Variants in CLSPN observed in about 807,000 individuals in gnomAD.
CLSPN encodes claspin.
Under a neutral mutation model 156.3 loss-of-function variants are expected in CLSPN, and 85 were observed. The ratio of observed to expected loss-of-function variants is 0.54; its 90% CI spans 0.46 to 0.65. CLSPN has a LOEUF of 0.65. CLSPN is among the 30% of genes least tolerant of loss of function. CLSPN has a pLI of 0.00. For synonymous variants in CLSPN, 534 were observed against 542.4 expected, an observed-to-expected ratio of 0.98 and a Z score of 0.22; for missense variants, 1,407 against 1,554.9, an observed-to-expected ratio of 0.90 and a Z score of 1.60.
intron 8 of CLSPN, among the ~76,000 whole-genome samples, chr1:35,759,772 C>T (rs1437571657): frequency 6.6e-6 from 1 of 151,734 alleles, no homozygotes; most frequent in African/African-American, 2.4e-5. Flanking sequence ...ATAATAAATT[C>T]CTAAATACCA....
Position 35,753,908 on chromosome 1 carries a change from C to T in CLSPN, c.1608G>A (p.Trp536Ter). Residue 536 changes from tryptophan (W) to a stop codon, truncating the protein, a stop_gained, in exon 9 of 25, where the codon TGG becomes TGA. Coordinates refer to ENST00000318121, the MANE Select transcript of CLSPN (RefSeq NM_022111.4). LOFTEE classifies it high-confidence loss of function. ...RELEALKQRF[W>*]KHANPAAKPR... is the part of the protein sequence containing the mutation. ...GTTTGGCTGCTGGATTAGCATGCTT[C>T]CAGAAACGCTGCTTCAAGGCTTCCA... is the stretch of plus-strand genomic sequence containing the variant. 1 of 1,614,206 alleles carries T rather than the reference C, an allele frequency of 6.2e-7. No homozygotes were observed. The highest frequency in any genetic ancestry group is 8.5e-7 in the Non-Finnish European group (1 of 1,180,032).
In CLSPN at chr1:35,761,233, T is replaced by C. The variant is rs768066296; in HGVS notation, c.896-29A>G. Reference sequence around the variant, plus strand: ...TAAAATGGAATAAAACAAGCAAATATATATACTGTATATTCTGAAATGTCA... The same window carrying C: ...TAAAATGGAATAAAACAAGCAAATACATATACTGTATATTCTGAAATGTCA... On this transcript the variant is annotated intron_variant, in intron 6 of 24. Transcript: ENST00000318121. 1.0e-5 allele frequency: 13 copies of C among 1,263,960 alleles called. No homozygotes were observed. The East Asian group carries it at 3.0e-4, about 29-fold the overall frequency. 78.3% of individuals were successfully genotyped at this position (1,263,960 alleles called of 1,614,324 possible). A position where few individuals can be genotyped will look rare whatever the true frequency, so the allele number is the denominator to read the frequency against.
At chr1:35,737,292 T>C (rs1447039417) in intron 23 of CLSPN, 47 bp downstream of exon 23, 1 of 1,529,602 alleles carries the variant, frequency 6.5e-7, no homozygotes, top group African/African-American at 1.4e-5. Context: ...CCTGGGCCTT[T>C]ATAACCTGTA....
intron 1 of CLSPN, among the ~76,000 whole-genome samples, chr1:35,768,660 C>T (rs1454914163): frequency 2.0e-5 from 3 of 151,836 alleles, no homozygotes; most frequent in Non-Finnish European, 4.4e-5. Context: ...AAGCAATCTG[C>T]CGGCCTTAGC....
At chr1:35,740,299 G>A (rs991342509) in intron 18 of CLSPN, among the ~76,000 whole-genome samples, 2 of 152,094 alleles carry the variant, frequency 1.3e-5, no homozygotes, top group African/African-American at 4.8e-5. Flanking sequence ...CAGCTCCCCC[G>A]GAGAATAAAT....
In CLSPN at chr1:35,748,053, C is replaced by T. The variant is rs779434067; in HGVS notation, c.2481G>A (p.Gly827=). The T allele has an allele frequency of 4.4e-6, 7 of 1,604,632 alleles. No individual in the cohort carries two copies. The South Asian group carries it at 6.8e-5, about 15-fold the overall frequency. ...SLVSSASKSS[G]KLSEPSLPIE... ...TGGGAAGTGAAGGCTCAGACAGTTTCCCTGAACTCTGGCACACAAACAAAA... is the reference window on the plus strand; with the variant it reads ...TGGGAAGTGAAGGCTCAGACAGTTTTCCTGAACTCTGGCACACAAACAAAA... The change falls in exon 14 of 25, where the codon GGG becomes GGA. Residue 827 remains glycine, a synonymous_variant. Coordinates refer to ENST00000318121, the MANE Select transcript of CLSPN (RefSeq NM_022111.4).
chr1:35,748,770 C>T lies in CLSPN; in HGVS notation c.2273-166G>A, dbSNP rs1337140453. On this transcript the variant is annotated intron_variant, in intron 12 of 24. Coordinates refer to ENST00000318121, the MANE Select transcript of CLSPN (RefSeq NM_022111.4). ...AAGGTAAATTACAGTACTAAGATAG[C>T]ATTATATAATCAGGGCTTATTACTC... is the stretch of plus-strand genomic sequence containing the variant. 52 of 594,938 alleles carry T rather than the reference C, an allele frequency of 8.7e-5. 1 individual carries two copies. Among genetic ancestry groups the T allele is most frequent in the Non-Finnish European group, 3.1e-6 (1 of 327,526 alleles). The allele number at this position is 594,938 out of a possible 1,614,324, so 36.9% of individuals were successfully genotyped here.
Position 35,735,736 on chromosome 1 carries a change from G to A in CLSPN, c.*760C>T, listed in dbSNP as rs1206638897. The A allele has an allele frequency of 1.0e-5, 10 of 983,250 alleles. No homozygotes were observed. The highest frequency in any genetic ancestry group is 5.3e-5 in the African/African-American group (3 of 56,886). The allele number at this position is 983,250 out of a possible 1,614,324, so 60.9% of individuals were successfully genotyped here. A position where few individuals can be genotyped will look rare whatever the true frequency, so the allele number is the denominator to read the frequency against. ...AAAAAAAAGAAATCTTTCTTTCACC[G>A]AGCCCTGGTCATCATGGTACGTATC... On this transcript the variant is annotated 3_prime_UTR_variant, in exon 25 of 25. Transcript: ENST00000318121.
Position 35,769,904 on chromosome 1 carries a change from G to T in CLSPN, c.-34C>A. 6.2e-7 allele frequency: 1 copy of T among 1,606,848 alleles called. No homozygotes were observed. The highest frequency in any genetic ancestry group is 8.5e-7 in the Non-Finnish European group (1 of 1,176,440). On this transcript the variant is annotated 5_prime_UTR_variant, in exon 1 of 25. Coordinates refer to ENST00000318121, the MANE Select transcript of CLSPN (RefSeq NM_022111.4). ...CCTCCCCTGCGCTCCACTAGGGACG[G>T]AGCTGTCTCTGATTCCCTCAGCCGG... is the stretch of plus-strand genomic sequence containing the variant.
At chr1:35,726,173 A>AAAAAAAAAAAAAAC (rs1641184517) in intron 24 of CLSPN, among the ~76,000 whole-genome samples, 1 of 150,978 alleles carries the variant, frequency 6.6e-6, no homozygotes, top group Non-Finnish European at 1.5e-5. Context: ...AAAAAAAAAA[A>AAAAAAAAAAAAAAC]AAGCGCATAG....
At chr1:35,738,317 G>T in intron 21 of CLSPN, 138 bp downstream of exon 21, 2 of 884,860 alleles carry the variant, frequency 2.3e-6, no homozygotes, top group Non-Finnish European at 1.7e-6. Flanking sequence ...AAACACAAAA[G>T]ATAGCTCAAG....
chr1:35,737,133 G>A (rs905169312), intron 23 of CLSPN, 58 bp from the exon 24 acceptor site: 12 of 1,544,282 alleles, frequency 7.8e-6, no homozygotes, highest in Middle Eastern at 1.7e-4. Context: ...AGAATGAAAA[G>A]TCCTTCCCTC....
chr1:35,765,994 C>CTCTCT lies in CLSPN; in HGVS notation c.25-669_25-668insAGAGA, dbSNP rs60908491. Among the ~76,000 whole-genome samples the CTCTCT allele has an allele frequency of 8.0e-3, 853 of 106,450 alleles. 19 individuals are homozygous for CTCTCT. The highest frequency in any genetic ancestry group is 0.029 in the African/African-American group (781 of 27,274). 69.8% of individuals were successfully genotyped at this position (106,450 alleles called of 152,430 possible). On this transcript the variant is annotated intron_variant, in intron 1 of 24. Transcript: ENST00000318121. ...GGGTGGTTTCTTTCTCTCTCTCTCT[C>CTCTCT]TTTTTTTTTTTTTTTTTTGAGATAG...
chr1:35,743,615 T>C lies in CLSPN; in HGVS notation c.2967-85A>G, dbSNP rs538368237. 1.4e-5 allele frequency: 16 copies of C among 1,106,606 alleles called. No individual in the cohort carries two copies. The East Asian group carries it at 3.5e-4, about 25-fold the overall frequency. The allele number at this position is 1,106,606 out of a possible 1,614,324, so 68.5% of individuals were successfully genotyped here. ...GCCAAGTTATGAATTAAAAAAAATTTTGTGTGTGTTAATTTTTTTTTTTTC... is the reference window on the plus strand; with the variant it reads ...GCCAAGTTATGAATTAAAAAAAATTCTGTGTGTGTTAATTTTTTTTTTTTC... On this transcript the variant is annotated intron_variant, in intron 16 of 24. Transcript: ENST00000318121.
chr1:35,731,850 A>G (rs551709015), downstream of CLSPN, among the ~76,000 whole-genome samples: 82 of 152,308 alleles, frequency 5.4e-4, no homozygotes, highest in Middle Eastern at 0.01. Context: ...AGAGAAGATC[A>G]CATTTTCATT....
intron 9 of CLSPN, 70 bp from the exon 10 acceptor site, chr1:35,751,576 G>C: frequency 6.6e-7 from 1 of 1,526,012 alleles, no homozygotes; most frequent in Non-Finnish European, 8.7e-7. Flanking sequence ...GGCAACTCCA[G>C]AAATATTCTA....
chr1:35,751,358 A>T lies in CLSPN; in HGVS notation c.1920T>A (p.Asp640Glu), dbSNP rs762712928. The T allele has an allele frequency of 1.2e-6, 2 of 1,602,332 alleles. No individual in the cohort carries two copies. Among genetic ancestry groups the T allele is most frequent in the South Asian group, 2.2e-5 (2 of 90,824 alleles). Residue 640 changes from aspartate (D) to glutamate (E), a missense_variant, in exon 10 of 25, where the codon GAT becomes GAA. By Grantham distance (45) the Asp-to-Glu change is conservative. Coordinates refer to ENST00000318121, the MANE Select transcript of CLSPN (RefSeq NM_022111.4). ...EEEEEEEEMT[D>E]ESEEDGEEKV... The stretch of plus-strand genomic sequence containing the variant: ...TCTCTTCTCCATCTTCCTCAGACTC[A>T]TCTGTCATTTCTTCCTCTTCCTCCT...
chr1:35,743,451 T>C lies in CLSPN; in HGVS notation c.3042+4A>G. 6.2e-7 allele frequency: 1 copy of C among 1,610,836 alleles called. No homozygotes were observed. The highest frequency in any genetic ancestry group is 8.5e-7 in the Non-Finnish European group (1 of 1,177,220). ...TATGATTACTTTGTTCCCTTCATACTCACCTCATCACTATCAAACTCATTA... is the reference window on the plus strand; with the variant it reads ...TATGATTACTTTGTTCCCTTCATACCCACCTCATCACTATCAAACTCATTA... On this transcript the variant is annotated splice_donor_region_variant and intron_variant, in intron 17 of 24. Coordinates refer to ENST00000318121, the MANE Select transcript of CLSPN (RefSeq NM_022111.4).
exon 25 of CLSPN, chr1:35,720,863 CCT>C: frequency 6.5e-7 from 1 of 1,544,988 alleles, no homozygotes; most frequent in Non-Finnish European, 8.9e-7. Flanking sequence ...CCCTTCTCCG[CCT>C]CTCTTTGGAC....
Sources: gnomAD v4.1 joint callset for allele counts (sites outside exome capture counted in the v4.1 genomes callset) on GRCh38, gnomAD v4.1.1 for gene constraint, MANE v1.5 for transcripts, NCBI Gene and HGNC (gene_info 2026-07-23, HGNC 2026-07-21) for gene names.